The following BCAS3 variants were observed in gnomAD, a reference collection of about 807,000 sequenced individuals.
The protein encoded by BCAS3 is BCAS4/BCAS3 fusion.
A neutral mutation model predicts 116.1 loss-of-function variants in BCAS3; 53 were observed. That is an observed-to-expected ratio of 0.46 (90% confidence interval 0.37 to 0.57). BCAS3 has a LOEUF of 0.57. Among genes scored for constraint, BCAS3 ranks in the 20% least tolerant of loss-of-function variants. The pLI is 0.00. For missense variants in BCAS3, 917 were observed against 1,165.4 expected, an observed-to-expected ratio of 0.79 and a Z score of 3.10; for synonymous variants, 391 against 408.2, an observed-to-expected ratio of 0.96 and a Z score of 0.51.
intron 22 of BCAS3, among the ~76,000 whole-genome samples, chr17:61,310,311 T>C (rs1290371624): frequency 2.6e-5 from 4 of 152,210 alleles, no homozygotes; most frequent in Non-Finnish European, 5.9e-5. Flanking sequence ...CCCAGCACTC[T>C]GGGAGGCCAC....
intron 6 of BCAS3, among the ~76,000 whole-genome samples, chr17:60,797,158 A>C (rs1398906181): frequency 6.6e-6 from 1 of 151,966 alleles, no homozygotes; most frequent in African/African-American, 2.4e-5. Context: ...GACCTCCCAG[A>C]GTGCTGGGAT....
chr17:61,317,684 G>A (rs2054862181), intron 22 of BCAS3, among the ~76,000 whole-genome samples: 1 of 152,224 alleles, frequency 6.6e-6, no homozygotes, highest in African/African-American at 2.4e-5. Flanking sequence ...TTTGGGTGGG[G>A]TGGGAGAGTA....
At chr17:61,092,395 T>C (rs536101091) in intron 22 of BCAS3, among the ~76,000 whole-genome samples, 1 of 152,316 alleles carries the variant, frequency 6.6e-6, no homozygotes, top group Admixed American at 6.5e-5. Context: ...TCCCTAGTAC[T>C]GGAATTGCCG....
intron 22 of BCAS3, among the ~76,000 whole-genome samples, chr17:61,176,138 C>CAAAAAAAAAAAAAAAAAAAAA (rs534042215): frequency 2.0e-5 from 1 of 50,044 alleles, no homozygotes; most frequent in Non-Finnish European, 4.1e-5. Context: ...GACCCTATCT[C>CAAAAAAAAAAAAAAAAAAAAA]AAAAAAAAAA....
intron 6 of BCAS3, among the ~76,000 whole-genome samples, chr17:60,749,440 T>C (rs1010157058): frequency 2.6e-5 from 4 of 152,224 alleles, no homozygotes; most frequent in African/African-American, 9.6e-5. Flanking sequence ...TTCACACATT[T>C]TCCTGGACCG....
At chr17:60,798,857 C>G (rs2047447049) in intron 6 of BCAS3, among the ~76,000 whole-genome samples, 1 of 152,188 alleles carries the variant, frequency 6.6e-6, no homozygotes, top group Admixed American at 6.5e-5. Context: ...TGTCAGTGTT[C>G]TGGAATTTGG....
intron 22 of BCAS3, among the ~76,000 whole-genome samples, chr17:61,216,725 G>T (rs2081817338): frequency 6.6e-6 from 1 of 151,178 alleles, no homozygotes. Context: ...TGTATTTTTA[G>T]TAGAGACGGG....
intron 10 of BCAS3, 91 bp downstream of exon 10, chr17:60,889,862 C>G: frequency 8.5e-7 from 1 of 1,173,378 alleles, no homozygotes; most frequent in Non-Finnish European, 1.2e-6. Flanking sequence ...AGTTGATTAC[C>G]AATAATAAAT....
chr17:60,873,957 G>A (rs1246243658), intron 8 of BCAS3, among the ~76,000 whole-genome samples: 2 of 152,020 alleles, frequency 1.3e-5, no homozygotes, highest in Non-Finnish European at 2.9e-5. Context: ...TCCTGCCTCA[G>A]CCTCTTGAGT....
chr17:60,924,608 T>C (rs2059277190), intron 13 of BCAS3, 108 bp downstream of exon 13: 1 of 762,636 alleles, frequency 1.3e-6, no homozygotes, highest in African/African-American at 1.8e-5. Context: ...CATGTATCAG[T>C]ATATATCAGA....
chr17:61,321,812 G>A (rs1376896851), intron 22 of BCAS3, among the ~76,000 whole-genome samples: 1 of 152,036 alleles, frequency 6.6e-6, no homozygotes, highest in Non-Finnish European at 1.5e-5. Context: ...AACCCTGGAG[G>A]GCTGGATTTT....
At chr17:60,880,171 T>C (rs1329664039) in intron 9 of BCAS3, among the ~76,000 whole-genome samples, 1 of 152,198 alleles carries the variant, frequency 6.6e-6, no homozygotes, top group Non-Finnish European at 1.5e-5. Flanking sequence ...CATAAAACCT[T>C]ATGAGAGTCC....
intron 22 of BCAS3, among the ~76,000 whole-genome samples, chr17:61,331,092 C>T (rs984721937): frequency 1.3e-5 from 2 of 152,150 alleles, no homozygotes; most frequent in Admixed American, 1.3e-4. Context: ...AAGACCATGT[C>T]CTGCGTTCTG....
In BCAS3 at chr17:61,015,909, C is replaced by T; in HGVS notation, c.1637+8C>T. ...CATCACCAAACGAACCGGGTAAGGCCTTAGACTTGATGCTTTTTTAACAGC... is the reference window on the plus strand; with the variant it reads ...CATCACCAAACGAACCGGGTAAGGCTTTAGACTTGATGCTTTTTTAACAGC... On this transcript the variant is annotated splice_region_variant and intron_variant, in intron 16 of 23. Coordinates refer to ENST00000407086, the MANE Select transcript of BCAS3 (RefSeq NM_017679.5). The T allele has an allele frequency of 6.2e-7, 1 of 1,610,558 alleles. No homozygotes were observed. Among genetic ancestry groups the T allele is most frequent in the Non-Finnish European group, 8.5e-7 (1 of 1,178,068 alleles).
intron 14 of BCAS3, among the ~76,000 whole-genome samples, chr17:60,955,782 A>C (rs1020463147): frequency 1.3e-5 from 2 of 152,138 alleles, no homozygotes; most frequent in African/African-American, 4.8e-5. Context: ...AAATATTACA[A>C]GTAATTTATT....
chr17:60,986,488 T>A (rs1355866667), intron 14 of BCAS3, among the ~76,000 whole-genome samples: 1 of 152,228 alleles, frequency 6.6e-6, no homozygotes, highest in East Asian at 1.9e-4. Context: ...TTTCTCCACA[T>A]CCTTGCCATC....
Position 61,083,182 on chromosome 17 carries a change from C to T in BCAS3, c.2328-1285C>T, listed in dbSNP as rs2072778525. ...TACTATTACTATATACAGACCTAATCCCTGTTCCAGCTCTGCAAGATCTCT... is the reference window on the plus strand; with the variant it reads ...TACTATTACTATATACAGACCTAATTCCTGTTCCAGCTCTGCAAGATCTCT... On this transcript the variant is annotated intron_variant, in intron 21 of 23. Transcript: ENST00000407086. The surrounding 1 kb of genome is among the most constrained non-coding windows in gnomAD (Gnocchi z 4.9). Among the ~76,000 whole-genome samples the T allele has an allele frequency of 6.6e-6, 1 of 152,196 alleles. No homozygotes were observed. Among genetic ancestry groups the T allele is most frequent in the African/African-American group, 2.4e-5 (1 of 41,450 alleles).
chr17:61,010,745 T>A (rs1388792503), intron 15 of BCAS3, among the ~76,000 whole-genome samples: 1 of 151,986 alleles, frequency 6.6e-6, no homozygotes, highest in African/African-American at 2.4e-5. Flanking sequence ...GAGAAACCAT[T>A]TTATTGGAAC....
In BCAS3 at chr17:61,222,067, C is replaced by T. The variant is rs550347268; in HGVS notation, c.2425+137503C>T. On this transcript the variant is annotated intron_variant, in intron 22 of 23. Coordinates refer to ENST00000407086, the MANE Select transcript of BCAS3 (RefSeq NM_017679.5). This position sits in a 1 kb window ranked among gnomAD's most constrained non-coding sequence, Gnocchi z 6.1. ...ACATACCTGCTGCTCACTAAGTGTA[C>T]ATATGATCCCTCTGTGTGTTCAAAG... Among the ~76,000 whole-genome samples, 24 of 152,306 alleles carry T rather than the reference C, an allele frequency of 1.6e-4. No homozygotes were observed. Among genetic ancestry groups the T allele is most frequent in the African/African-American group, 4.8e-4 (20 of 41,564 alleles).
Sources: gnomAD v4.1 joint callset for allele counts (sites outside exome capture counted in the v4.1 genomes callset) on GRCh38, gnomAD v4.1.1 for gene constraint, Gnocchi (gnomAD v3.1) non-coding constraint, MANE v1.5 for transcripts, NCBI Gene and HGNC (gene_info 2026-07-23, HGNC 2026-07-21) for gene names.